The following IRAK1BP1 variants were observed in gnomAD, a reference collection of about 807,000 sequenced individuals.
The protein encoded by IRAK1BP1 is interleukin 1 receptor associated kinase 1 binding protein 1.
IRAK1BP1 carries 24 observed loss-of-function variants against 28.0 expected under a neutral mutation model. The ratio of observed to expected loss-of-function variants is 0.86; its 90% CI spans 0.62 to 1.20. The LOEUF (loss-of-function observed/expected upper bound fraction) is 1.20, where lower values mean the gene tolerates loss of function less well. Ranked by LOEUF, IRAK1BP1 falls within the 50% of genes most tolerant of loss-of-function variation. The pLI is 0.00. For missense variants in IRAK1BP1, 336 were observed against 316.7 expected, an observed-to-expected ratio of 1.06 and a Z score of -0.46; for synonymous variants, 131 against 116.3, an observed-to-expected ratio of 1.13 and a Z score of -0.81.
chr6:78,970,492 C>T, the IRAK1BP1 span, among the ~76,000 whole-genome samples: 25 of 152,102 alleles, frequency 1.6e-4, no homozygotes, highest in Non-Finnish European at 2.9e-4. Flanking sequence ...TCTAGAAATA[C>T]GCATCAAATT....
chr6:78,954,951 T>C, the IRAK1BP1 span: 1 of 1,560,842 alleles, frequency 6.4e-7, no homozygotes, highest in Admixed American at 2.2e-5. Context: ...AATCTTCTTC[T>C]AGGCTGATGG....
At chr6:78,882,749 G>A (rs898160672) in intron 1 of IRAK1BP1, among the ~76,000 whole-genome samples, 18 of 152,114 alleles carry the variant, frequency 1.2e-4, no homozygotes, top group South Asian at 2.1e-4. Flanking sequence ...TGATCCTGTG[G>A]TAGTAAAAAG....
At chr6:78,946,851 C>T (rs767896157), downstream of IRAK1BP1, 2 of 1,570,308 alleles carry the variant, frequency 1.3e-6, no homozygotes, top group Non-Finnish European at 1.7e-6. Context: ...AGAAAGCAGA[C>T]AGGCGCAAAC....
At position 78,919,162 on chromosome 6, in the gene IRAK1BP1, A is replaced by G. The variant is rs148285859; in HGVS notation, c.*67+16052A>G. ...GTTCTTTAAAATAAAGGAAAACAGA[A>G]ATACAACATACCAAAATATCTGAGA... is the stretch of plus-strand genomic sequence containing the variant. On this transcript the variant is annotated intron_variant and NMD_transcript_variant, in intron 4 of 4. Transcript: ENST00000606868. 6.4e-4 allele frequency among the ~76,000 whole-genome samples: 98 copies of G among 152,314 alleles called. 1 individual carries two copies. In the South Asian group the frequency reaches 8.1e-3, roughly 13 times the overall value.
At position 78,899,792 on chromosome 6, in the gene IRAK1BP1, C is replaced by T. The variant is rs1296216648; in HGVS notation, c.*1458C>T. On this transcript the variant is annotated 3_prime_UTR_variant, in exon 4 of 4. Coordinates refer to ENST00000369940, the MANE Select transcript of IRAK1BP1 (RefSeq NM_001010844.4). ...AACTTTAAAAAAGAAACAGTTGAAA[C>T]TAATTTTAATAACATTTTATTTAAC... 1.3e-5 allele frequency: 2 copies of T among 152,086 alleles called. No homozygotes were observed. Among genetic ancestry groups the T allele is most frequent in the Non-Finnish European group, 2.9e-5 (2 of 68,020 alleles). The allele number at this position is 152,086 out of a possible 1,614,324, so 9.4% of individuals were successfully genotyped here. A position where few individuals can be genotyped will look rare whatever the true frequency, so the allele number is the denominator to read the frequency against.
rs752618612 is a variant in IRAK1BP1, at chr6:78,901,602, A to G, written c.*3268A>G. On this transcript the variant is annotated 3_prime_UTR_variant, in exon 4 of 4. Transcript: ENST00000369940. ...TTTCTGAAAGACAAACAAAAATTCT[A>G]AATAGGATATTTGAAACAGACCCAC... The G allele has an allele frequency of 2.0e-5, 3 of 152,150 alleles. No individual in the cohort carries two copies. Among genetic ancestry groups the G allele is most frequent in the Non-Finnish European group, 4.4e-5 (3 of 67,988 alleles). 9.4% of individuals were successfully genotyped at this position (152,150 alleles called of 1,614,324 possible). A position where few individuals can be genotyped will look rare whatever the true frequency, so the allele number is the denominator to read the frequency against.
chr6:78,876,377 G>T (rs375723510), intron 1 of IRAK1BP1, among the ~76,000 whole-genome samples: 2 of 152,146 alleles, frequency 1.3e-5, no homozygotes, highest in Admixed American at 1.3e-4. Context: ...TTATAGCAGC[G>T]TGAAAATGGA....
chr6:78,867,974 C>G, intron 1 of IRAK1BP1, 83 bp downstream of exon 1: 1 of 1,394,784 alleles, frequency 7.2e-7, no homozygotes, highest in Non-Finnish European at 9.6e-7. Flanking sequence ...GCCCCCCTAG[C>G]GGGAAGGGAG....
At chr6:78,922,700 G>A (rs1772772040) in intron 4 of IRAK1BP1, among the ~76,000 whole-genome samples, 1 of 152,192 alleles carries the variant, frequency 6.6e-6, no homozygotes, top group African/African-American at 2.4e-5. Context: ...TCAAAGGGAA[G>A]CCCATCAGAC....
the IRAK1BP1 span, chr6:78,955,481 GTTTTT>G: frequency 2.2e-6 from 1 of 453,592 alleles, no homozygotes; most frequent in Non-Finnish European, 3.9e-6. Context: ...ACTGCCAGTT[GTTTTT>G]TTTTTTTAAA....
chr6:78,941,371 T>G (rs1773493231), intron 4 of IRAK1BP1: 2 of 1,503,880 alleles, frequency 1.3e-6, no homozygotes, highest in Non-Finnish European at 1.8e-6. Flanking sequence ...TGGAGTTTCT[T>G]TTTTTGTTTG....
At chr6:78,875,610 C>A (rs1395326712) in intron 1 of IRAK1BP1, among the ~76,000 whole-genome samples, 1 of 152,108 alleles carries the variant, frequency 6.6e-6, no homozygotes, top group Admixed American at 6.5e-5. Context: ...AGCCATTATC[C>A]TACCCCAGTG....
Position 78,918,121 on chromosome 6 carries a change from G to C in IRAK1BP1, c.*67+15011G>C, listed in dbSNP as rs553009955. Among the ~76,000 whole-genome samples the C allele has an allele frequency of 3.9e-5, 6 of 152,076 alleles. No homozygotes were observed. In the South Asian group the frequency reaches 1.2e-3, roughly 32 times the overall value. On this transcript the variant is annotated intron_variant and NMD_transcript_variant, in intron 4 of 4. Transcript: ENST00000606868. Reference sequence around the variant, plus strand: ...GTTACCAGCCTAGCCAACATAGAGGGATCCCATCTCTATAAAAAATACAAA... The same window carrying C: ...GTTACCAGCCTAGCCAACATAGAGGCATCCCATCTCTATAAAAAATACAAA...
In IRAK1BP1 at chr6:78,901,583, A is replaced by G. The variant is rs1254612947; in HGVS notation, c.*3249A>G. On this transcript the variant is annotated 3_prime_UTR_variant, in exon 4 of 4. Coordinates refer to ENST00000369940, the MANE Select transcript of IRAK1BP1 (RefSeq NM_001010844.4). The stretch of plus-strand genomic sequence containing the variant: ...AGGAAGTTATAATTTCTATTTTCTG[A>G]AAGACAAACAAAAATTCTAAATAGG... 1.3e-5 allele frequency: 2 copies of G among 152,090 alleles called. No homozygotes were observed. The highest frequency in any genetic ancestry group is 2.9e-5 in the Non-Finnish European group (2 of 67,982). 9.4% of individuals were successfully genotyped at this position (152,090 alleles called of 1,614,324 possible).
At chr6:78,957,023 T>C in the IRAK1BP1 span, 1 of 152,070 alleles carries the variant, frequency 6.6e-6, no homozygotes, top group Non-Finnish European at 1.5e-5. Context: ...TCTTGAAGAC[T>C]ATCTGCTAAA....
chr6:78,876,072 A>G (rs1194408494), intron 1 of IRAK1BP1, among the ~76,000 whole-genome samples: 1 of 152,088 alleles, frequency 6.6e-6, no homozygotes, highest in East Asian at 1.9e-4. Context: ...CCCAAATTTC[A>G]TCTAGAATTG....
At position 78,902,809 on chromosome 6, in the gene IRAK1BP1, TAC is replaced by T; in HGVS notation, c.*4477_*4478del. On this transcript the variant is annotated 3_prime_UTR_variant, in exon 4 of 4. Transcript: ENST00000369940. The stretch of plus-strand genomic sequence containing the variant: ...ATACATACATACATACATACATACA[TAC>T]ATACATACATAAAATGCCCAGTATC... The T allele has an allele frequency of 4.0e-6, 1 of 249,790 alleles. No individual in the cohort carries two copies. Among genetic ancestry groups the T allele is most frequent in the Non-Finnish European group, 7.3e-6 (1 of 136,234 alleles). The allele number at this position is 249,790 out of a possible 1,614,324, so 15.5% of individuals were successfully genotyped here.
chr6:78,894,439 A>T (rs1206308646), intron 2 of IRAK1BP1, among the ~76,000 whole-genome samples: 2 of 152,196 alleles, frequency 1.3e-5, no homozygotes, highest in Non-Finnish European at 2.9e-5. Context: ...GGCTATAGTA[A>T]TCAAAGTAGA....
intron 4 of IRAK1BP1, among the ~76,000 whole-genome samples, chr6:78,916,247 T>C (rs898348023): frequency 1.3e-5 from 2 of 152,214 alleles, no homozygotes; most frequent in Non-Finnish European, 2.9e-5. Flanking sequence ...AGAAAGTCTT[T>C]AGATTGCCTG....
Sources: allele counts gnomAD v4.1 joint callset (sites outside exome capture counted in the v4.1 genomes callset), GRCh38; gene constraint gnomAD v4.1.1; transcripts MANE v1.5; gene names NCBI Gene and HGNC (gene_info 2026-07-23, HGNC 2026-07-21).